Variants in ARMC9 observed in about 807,000 individuals in gnomAD.
ARMC9 encodes armadillo repeat containing 9.
A neutral mutation model predicts 107.0 loss-of-function variants in ARMC9; 94 were observed. That is an observed-to-expected ratio of 0.88 (90% confidence interval 0.74 to 1.04). The LOEUF (loss-of-function observed/expected upper bound fraction) is 1.04. ARMC9 is among the 50% of genes least tolerant of loss of function. ARMC9 has a pLI of 0.00. For synonymous variants in ARMC9, 380 were observed against 396.9 expected, an observed-to-expected ratio of 0.96 and a Z score of 0.51; for missense variants, 942 against 1,030.1, an observed-to-expected ratio of 0.91 and a Z score of 1.17.
In ARMC9 at chr2:231,259,418, C is replaced by T. The variant is rs182960867; in HGVS notation, c.1026+316C>T. 2.9e-3 allele frequency among the ~76,000 whole-genome samples: 444 copies of T among 152,294 alleles called. 3 individuals are homozygous for T. Among genetic ancestry groups the T allele is most frequent in the Non-Finnish European group, 3.1e-4 (21 of 68,026 alleles). Reference sequence around the variant, plus strand: ...GTGTGAGTGCGTGGAGTCAGGGTTACCCACAGTCCCACAGAGGTTCTGTAT... The same window carrying T: ...GTGTGAGTGCGTGGAGTCAGGGTTATCCACAGTCCCACAGAGGTTCTGTAT... On this transcript the variant is annotated intron_variant, in intron 11 of 24. Transcript: ENST00000611582.
At chr2:231,278,110 C>T (rs528313792) in intron 15 of ARMC9, among the ~76,000 whole-genome samples, 15 of 152,122 alleles carry the variant, frequency 9.9e-5, no homozygotes, top group South Asian at 4.1e-4. Context: ...TACTGAGCAC[C>T]GAGGTTCTAT....
At chr2:231,270,136 G>A (rs2039197449) in intron 12 of ARMC9, among the ~76,000 whole-genome samples, 1 of 152,208 alleles carries the variant, frequency 6.6e-6, no homozygotes, top group South Asian at 2.1e-4. Flanking sequence ...CAGGCCTAGA[G>A]GGCAAAGGTC....
chr2:231,335,968 A>C (rs865944924), intron 20 of ARMC9, among the ~76,000 whole-genome samples: 2 of 152,102 alleles, frequency 1.3e-5, no homozygotes, highest in Middle Eastern at 3.2e-3. Context: ...GGTCCCAGCT[A>C]TTCAGGAGGC....
At chr2:231,335,915 A>G (rs1169952868) in intron 20 of ARMC9, among the ~76,000 whole-genome samples, 1 of 151,890 alleles carries the variant, frequency 6.6e-6, no homozygotes, top group Admixed American at 6.6e-5. Context: ...GTCTTTCCTA[A>G]AATTTTTTTA....
chr2:231,335,643 C>T (rs918207612), intron 20 of ARMC9, among the ~76,000 whole-genome samples: 4 of 152,168 alleles, frequency 2.6e-5, no homozygotes, highest in Non-Finnish European at 4.4e-5. Flanking sequence ...GTTGCTTACT[C>T]GTAATTCTAG....
intron 3 of ARMC9, among the ~76,000 whole-genome samples, 175 bp downstream of exon 3, chr2:231,208,427 C>T (rs374564702): frequency 2.6e-5 from 4 of 152,300 alleles, no homozygotes; most frequent in Admixed American, 2.6e-4. Context: ...TCTGTACCCT[C>T]CCCAGGAAAT....
At chr2:231,251,484 T>C (rs2037295440) in intron 9 of ARMC9, among the ~76,000 whole-genome samples, 1 of 152,136 alleles carries the variant, frequency 6.6e-6, no homozygotes, top group Non-Finnish European at 1.5e-5. Flanking sequence ...TTAACTAATT[T>C]AATTCCTTAA....
In ARMC9 at chr2:231,352,395, C is replaced by T. The variant is rs532354258; in HGVS notation, c.1995-3403C>T. Among the ~76,000 whole-genome samples, 12 of 151,770 alleles carry T rather than the reference C, an allele frequency of 7.9e-5. No homozygotes were observed. The East Asian group carries it at 1.2e-3, about 15-fold the overall frequency. On this transcript the variant is annotated intron_variant, in intron 21 of 24. Coordinates refer to ENST00000611582, the MANE Select transcript of ARMC9 (RefSeq NM_001352754.2). ...GCAACCTCGGTCTCCTGGGTTCAAG[C>T]GATTCTCCTTTCTCCTGTCTCAGCC...
intron 8 of ARMC9, among the ~76,000 whole-genome samples, chr2:231,235,824 T>G (rs903430554): frequency 3.9e-5 from 6 of 152,220 alleles, no homozygotes; most frequent in African/African-American, 1.4e-4. Flanking sequence ...GCATTTTTAG[T>G]AGAGACAGGG....
intron 6 of ARMC9, among the ~76,000 whole-genome samples, chr2:231,225,178 A>G (rs1559313432): frequency 6.6e-6 from 1 of 152,254 alleles, no homozygotes; most frequent in Non-Finnish European, 1.5e-5. Flanking sequence ...TAATAAAGGT[A>G]GGTACATGTA....
At chr2:231,218,793 C>G (rs1365031403) in intron 5 of ARMC9, among the ~76,000 whole-genome samples, 2 of 151,798 alleles carry the variant, frequency 1.3e-5, no homozygotes, top group Non-Finnish European at 2.9e-5. Flanking sequence ...CTCTTGTCAC[C>G]CAGGCTGGAG....
intron 5 of ARMC9, 99 bp downstream of exon 5, chr2:231,216,892 A>G: frequency 7.3e-7 from 1 of 1,364,040 alleles, no homozygotes; most frequent in Non-Finnish European, 1.0e-6. Flanking sequence ...TAAAAAAACT[A>G]AAATTTGCTT....
intron 11 of ARMC9, among the ~76,000 whole-genome samples, chr2:231,261,434 A>G (rs1423995541): frequency 6.6e-6 from 1 of 152,252 alleles, no homozygotes; most frequent in Non-Finnish European, 1.5e-5. Flanking sequence ...ACACACGTGC[A>G]CACAAGCGCA....
chr2:231,372,789 A>G lies in ARMC9; in HGVS notation c.*1254A>G, dbSNP rs2046078835. ...ATGAAGGGAAATGGAAAGCAGAGAA[A>G]AGTCGCGTGCCCTCCCCCAGGCACC... On this transcript the variant is annotated 3_prime_UTR_variant, in exon 25 of 25. Coordinates refer to ENST00000611582, the MANE Select transcript of ARMC9 (RefSeq NM_001352754.2). 1 of 150,308 alleles carries G rather than the reference A, an allele frequency of 6.7e-6. No individual in the cohort carries two copies. Among genetic ancestry groups the G allele is most frequent in the South Asian group, 2.1e-4 (1 of 4,706 alleles). The allele number at this position is 150,308 out of a possible 1,614,324, so 9.3% of individuals were successfully genotyped here.
intron 19 of ARMC9, among the ~76,000 whole-genome samples, chr2:231,299,163 C>T (rs986969887): frequency 2.0e-5 from 3 of 151,824 alleles, no homozygotes; most frequent in Admixed American, 6.6e-5. Context: ...AATATACATA[C>T]GTTTATATAC....
At chr2:231,288,169 CTATTAT>C (rs1010878676) in intron 17 of ARMC9, among the ~76,000 whole-genome samples, 1 of 151,834 alleles carries the variant, frequency 6.6e-6, no homozygotes, top group African/African-American at 2.4e-5. Context: ...ATGTTAGCTG[CTATTAT>C]TATTATTATA....
In ARMC9 at chr2:231,376,673, C is replaced by T. The variant is rs2046207440; in HGVS notation, c.*5138C>T. Among the ~76,000 whole-genome samples the T allele has an allele frequency of 1.3e-5, 2 of 152,152 alleles. No homozygotes were observed. The highest frequency in any genetic ancestry group is 1.3e-4 in the Admixed American group (2 of 15,262). On this transcript the variant is annotated 3_prime_UTR_variant, in exon 25 of 25. Coordinates refer to ENST00000611582, the MANE Select transcript of ARMC9 (RefSeq NM_001352754.2). ...GTGATCTCGCCCTGCCTCCACTTGC[C>T]TTGTGATATTCTATTACCCTGTTAA...
chr2:231,269,871 A>G (rs1441554530), intron 12 of ARMC9, among the ~76,000 whole-genome samples: 1 of 58,136 alleles, frequency 1.7e-5, no homozygotes, highest in African/African-American at 6.5e-5. Flanking sequence ...CCCCGCCCCC[A>G]CCCTCCCCCC....
At chr2:231,273,148 C>T in intron 14 of ARMC9, 70 bp downstream of exon 14, 2 of 1,547,944 alleles carry the variant, frequency 1.3e-6, no homozygotes, top group Non-Finnish European at 8.7e-7. Flanking sequence ...CATGGCAACC[C>T]AGGAGGCAGA....
Sources: allele counts gnomAD v4.1 joint callset (sites outside exome capture counted in the v4.1 genomes callset), GRCh38; gene constraint gnomAD v4.1.1; transcripts MANE v1.5; gene names NCBI Gene and HGNC (gene_info 2026-07-23, HGNC 2026-07-21).